ADARB2: variants seen among roughly 807,000 people sequenced by gnomAD.
ADARB2 encodes the protein adenosine deaminase RNA specific B2 (inactive).
Under a neutral mutation model 62.2 loss-of-function variants are expected in ADARB2, and 25 were observed. The observed-to-expected ratio is 0.40, with a 90% CI of 0.29 to 0.56. The LOEUF is 0.56. Among genes scored for constraint, ADARB2 ranks in the 20% least tolerant of loss-of-function variants. ADARB2 has a pLI of 0.43. For synonymous variants in ADARB2, 572 were observed against 500.8 expected, an observed-to-expected ratio of 1.14 and a Z score of -1.90; for missense variants, 1,071 against 1,077.4, an observed-to-expected ratio of 0.99 and a Z score of 0.08.
At chr10:1,183,989 A>G (rs1325608549) in intron 9 of ADARB2, among the ~76,000 whole-genome samples, 3 of 152,126 alleles carry the variant, frequency 2.0e-5, no homozygotes, top group African/African-American at 7.2e-5. Context: ...GACAGCATCG[A>G]CGCTTCCCTG....
At chr10:1,310,738 C>A (rs1251282697) in intron 3 of ADARB2, among the ~76,000 whole-genome samples, 1 of 152,130 alleles carries the variant, frequency 6.6e-6, no homozygotes, top group African/African-American at 2.4e-5. Context: ...GCTCTCCAGG[C>A]CCCTGGCGCC....
At chr10:1,577,954 T>C (rs1189273171) in intron 1 of ADARB2, among the ~76,000 whole-genome samples, 1 of 152,156 alleles carries the variant, frequency 6.6e-6, no homozygotes, top group Non-Finnish European at 1.5e-5. Flanking sequence ...GAGAAGACAG[T>C]GGCTGCAAGC....
chr10:1,379,546 TAA>T (rs1832464309), intron 1 of ADARB2, among the ~76,000 whole-genome samples: 1 of 152,180 alleles, frequency 6.6e-6, no homozygotes, highest in Non-Finnish European at 1.5e-5. Flanking sequence ...ATCTCACAAT[TAA>T]AAGAGAATGG....
intron 1 of ADARB2, among the ~76,000 whole-genome samples, chr10:1,703,736 T>C (rs752412672): frequency 2.0e-5 from 3 of 152,220 alleles, no homozygotes; most frequent in African/African-American, 4.8e-5. Flanking sequence ...GAGAACCCAA[T>C]GGTCATTGTA....
At chr10:1,463,400 C>T (rs770294070) in intron 1 of ADARB2, among the ~76,000 whole-genome samples, 8 of 152,162 alleles carry the variant, frequency 5.3e-5, no homozygotes, top group Non-Finnish European at 1.0e-4. Context: ...CAAAGAGGAG[C>T]GTGTCCTGGT....
chr10:1,564,798 TAATTTCTGCC>T (rs1832835802), intron 1 of ADARB2, among the ~76,000 whole-genome samples: 1 of 151,040 alleles, frequency 6.6e-6, no homozygotes, highest in Non-Finnish European at 1.5e-5. Flanking sequence ...TTTTTTTTTT[TAATTTCTGCC>T]TTTAAAACAA....
At chr10:1,194,439 C>T (rs943645678) in intron 8 of ADARB2, among the ~76,000 whole-genome samples, 6 of 152,236 alleles carry the variant, frequency 3.9e-5, no homozygotes, top group African/African-American at 1.4e-4. Flanking sequence ...TACACGATTG[C>T]ATGAGCTGAT....
At chr10:1,633,627 A>G (rs1833877506) in intron 1 of ADARB2, among the ~76,000 whole-genome samples, 1 of 116,140 alleles carries the variant, frequency 8.6e-6, no homozygotes, top group South Asian at 2.6e-4. Flanking sequence ...TATGTAATCT[A>G]TCTATCCATC....
chr10:1,682,531 C>T (rs1038396581), intron 1 of ADARB2, among the ~76,000 whole-genome samples: 2 of 152,206 alleles, frequency 1.3e-5, no homozygotes, highest in African/African-American at 2.4e-5. Context: ...TTGCTTCATC[C>T]CCTCGGTTGG....
chr10:1,355,410 C>T (rs1000619104), intron 3 of ADARB2, among the ~76,000 whole-genome samples: 1 of 152,170 alleles, frequency 6.6e-6, no homozygotes, highest in African/African-American at 2.4e-5. Context: ...AGACTTTGGA[C>T]GTGGGACTCA....
At position 1,548,145 on chromosome 10, in the gene ADARB2, T is replaced by C. The variant is rs1386661508; in HGVS notation, c.101-168985A>G. Reference sequence around the variant, plus strand: ...TGGACGCCGAAGCTCAGGTGAACTTTCCCAGCTGAACCTTGGACCCGGAGG... The same window carrying C: ...TGGACGCCGAAGCTCAGGTGAACTTCCCCAGCTGAACCTTGGACCCGGAGG... On this transcript the variant is annotated intron_variant, in intron 1 of 9. Coordinates refer to ENST00000381312, the MANE Select transcript of ADARB2 (RefSeq NM_018702.4). Among the ~76,000 whole-genome samples the C allele has an allele frequency of 5.3e-5, 8 of 152,256 alleles. No homozygotes were observed. The South Asian group carries it at 1.7e-3, about 32-fold the overall frequency.
chr10:1,617,137 C>T (rs1413943279), intron 1 of ADARB2, among the ~76,000 whole-genome samples: 1 of 141,712 alleles, frequency 7.1e-6, no homozygotes, highest in Non-Finnish European at 1.5e-5. Flanking sequence ...CTGCACTGCC[C>T]TGCTGAGCTC....
intron 5 of ADARB2, among the ~76,000 whole-genome samples, chr10:1,240,918 C>G (rs1830914422): frequency 6.6e-6 from 1 of 152,208 alleles, no homozygotes; most frequent in African/African-American, 2.4e-5. Context: ...CCGCAGGCCT[C>G]AGGGAACTGA....
At chr10:1,728,727 A>G (rs1251209824) in intron 1 of ADARB2, among the ~76,000 whole-genome samples, 4 of 152,246 alleles carry the variant, frequency 2.6e-5, no homozygotes, top group Admixed American at 2.0e-4. Flanking sequence ...AATGGCTAAT[A>G]AATATTTCCC....
intron 1 of ADARB2, among the ~76,000 whole-genome samples, chr10:1,678,631 G>A (rs73589097): frequency 0.017 from 2,552 of 152,142 alleles, 62 homozygotes; most frequent in African/African-American, 0.053. Flanking sequence ...CCCTTTTACG[G>A]GTCTGGTATG....
chr10:1,481,654 C>G (rs150972414), intron 1 of ADARB2, among the ~76,000 whole-genome samples: 4 of 151,794 alleles, frequency 2.6e-5, no homozygotes, highest in South Asian at 2.1e-4. Flanking sequence ...GTCAGGAGTT[C>G]AAGACCAGCC....
At chr10:1,676,798 T>C (rs75610340) in intron 1 of ADARB2, among the ~76,000 whole-genome samples, 2,667 of 152,082 alleles carry the variant, frequency 0.018, 76 homozygotes, top group African/African-American at 0.06. Flanking sequence ...TTTTTTAAGA[T>C]GGAAAGAGTG....
intron 1 of ADARB2, among the ~76,000 whole-genome samples, chr10:1,550,584 C>A (rs1022663544): frequency 2.0e-5 from 3 of 152,258 alleles, no homozygotes; most frequent in African/African-American, 7.2e-5. Flanking sequence ...ATGGCATGAA[C>A]CTCAGGCCCC....
In ADARB2 at chr10:1,233,978, C is replaced by CTTTT. The variant is rs1589160330; in HGVS notation, c.1362-137_1362-134dup. ...CTTTATATTTTTCCTTTTTTTTTTCCTTTTTTTTTTGAGACGGAGTCTTGT... is the reference window on the plus strand; with the variant it reads ...CTTTATATTTTTCCTTTTTTTTTTCCTTTTTTTTTTTTTTGAGACGGAGTCTTGT... On this transcript the variant is annotated intron_variant, in intron 5 of 9. Transcript: ENST00000381312. 74 of 433,388 alleles carry CTTTT rather than the reference C, an allele frequency of 1.7e-4. 9 individuals are homozygous for CTTTT. Among genetic ancestry groups the CTTTT allele is most frequent in the African/African-American group, 7.2e-4 (20 of 27,752 alleles). 26.8% of individuals were successfully genotyped at this position (433,388 alleles called of 1,614,324 possible).
Sources: gnomAD v4.1 joint callset for allele counts (sites outside exome capture counted in the v4.1 genomes callset) on GRCh38, gnomAD v4.1.1 for gene constraint, MANE v1.5 for transcripts, NCBI Gene and HGNC (gene_info 2026-07-23, HGNC 2026-07-21) for gene names.